The following RAB5IF variants were observed in gnomAD, a reference collection of about 807,000 sequenced individuals.
RAB5IF encodes the protein RAB5 interacting factor.
A neutral mutation model predicts 20.3 loss-of-function variants in RAB5IF; 15 were observed. That is an observed-to-expected ratio of 0.74 (90% CI 0.50 to 1.14). The LOEUF (loss-of-function observed/expected upper bound fraction) is 1.14. Ranked by LOEUF, RAB5IF falls within the 50% of genes most tolerant of loss-of-function variation. The pLI, the probability that RAB5IF is intolerant of heterozygous loss-of-function variation, is 0.00. For synonymous variants in RAB5IF, 67 were observed against 63.7 expected, an observed-to-expected ratio of 1.05 and a Z score of -0.25; for missense variants, 148 against 159.5, an observed-to-expected ratio of 0.93 and a Z score of 0.39.
At chr20:36,606,527 C>T (rs773169742) in intron 1 of RAB5IF, among the ~76,000 whole-genome samples, 9 of 152,324 alleles carry the variant, frequency 5.9e-5, no homozygotes, top group Admixed American at 3.3e-4. Context: ...CAGAATAACT[C>T]TGAAGTGGGG....
chr20:36,608,556 C>CTTTT (rs34058641), intron 2 of RAB5IF, among the ~76,000 whole-genome samples: 11 of 104,864 alleles, frequency 1.0e-4, no homozygotes, highest in South Asian at 3.3e-4. Flanking sequence ...CGGTCTCATT[C>CTTTT]TTTTTTTTTT....
In RAB5IF at chr20:36,612,122, C is replaced by T. The variant is rs190742083; in HGVS notation, c.*71C>T. On this transcript the variant is annotated 3_prime_UTR_variant, in exon 4 of 4. Coordinates refer to ENST00000344795, the MANE Select transcript of RAB5IF (RefSeq NM_018840.5). ...CTTGATTACAGCACAGGAACTTGAT[C>T]GTTGGGGAACCCCAGCCCCTTGGAA... 26 of 1,614,206 alleles carry T rather than the reference C, an allele frequency of 1.6e-5. No individual in the cohort carries two copies. In the Admixed American group the frequency reaches 3.5e-4, roughly 22 times the overall value.
intron 3 of RAB5IF, among the ~76,000 whole-genome samples, chr20:36,610,020 C>T (rs1326966931): frequency 6.6e-6 from 1 of 152,208 alleles, no homozygotes; most frequent in African/African-American, 2.4e-5. Context: ...TGGTGGCTCA[C>T]GCCTGTAATC....
intron 2 of RAB5IF, among the ~76,000 whole-genome samples, chr20:36,609,225 A>G (rs1392528069): frequency 1.1e-4 from 13 of 120,460 alleles, no homozygotes; most frequent in South Asian, 2.7e-4. Context: ...ACACGCACAC[A>G]CACACACACA....
chr20:36,609,206 C>T lies in RAB5IF; in HGVS notation c.219-395C>T, dbSNP rs1344213477. ...ACACACACACACACGCACACACGCACACACGCACACACGCACACACACACA... is the reference window on the plus strand; with the variant it reads ...ACACACACACACACGCACACACGCATACACGCACACACGCACACACACACA... On this transcript the variant is annotated intron_variant, in intron 2 of 3. Coordinates refer to ENST00000344795, the MANE Select transcript of RAB5IF (RefSeq NM_018840.5). 2.0e-4 allele frequency among the ~76,000 whole-genome samples: 13 copies of T among 64,980 alleles called. 2 individuals are homozygous for T. The Middle Eastern group carries it at 0.021, about 107-fold the overall frequency. 42.6% of individuals were successfully genotyped at this position (64,980 alleles called of 152,430 possible). A position where few individuals can be genotyped will look rare whatever the true frequency, so the allele number is the denominator to read the frequency against.
intron 2 of RAB5IF, among the ~76,000 whole-genome samples, chr20:36,608,623 G>A (rs1367245563): frequency 6.7e-6 from 1 of 149,372 alleles, no homozygotes; most frequent in African/African-American, 2.5e-5. Flanking sequence ...GCGTGTACTG[G>A]CGTGATCTCG....
In RAB5IF at chr20:36,605,779, G is replaced by A. The variant is rs952895124; in HGVS notation, c.-173G>A. On this transcript the variant is annotated 5_prime_UTR_variant, in exon 1 of 4. Transcript: ENST00000344795. Reference sequence around the variant, plus strand: ...CCCCTCCCTTCGCGGCGCCTGCTCTGTAGAGCCGGCGGAACCGGGTAGCTT... The same window carrying A: ...CCCCTCCCTTCGCGGCGCCTGCTCTATAGAGCCGGCGGAACCGGGTAGCTT... The A allele has an allele frequency of 2.5e-5, 10 of 393,824 alleles. No homozygotes were observed. The highest frequency in any genetic ancestry group is 3.6e-5 in the Non-Finnish European group (8 of 223,010). 24.4% of individuals were successfully genotyped at this position (393,824 alleles called of 1,614,324 possible). A position where few individuals can be genotyped will look rare whatever the true frequency, so the allele number is the denominator to read the frequency against.
intron 2 of RAB5IF, among the ~76,000 whole-genome samples, chr20:36,608,438 T>A (rs564842320): frequency 1.8e-4 from 27 of 151,868 alleles, no homozygotes; most frequent in Non-Finnish European, 3.7e-4. Flanking sequence ...AGAGACAAGG[T>A]TTCTCTACAT....
rs2039024600 is a variant in RAB5IF, at chr20:36,609,191, ACACGCACACACGCACACAC to A, written c.219-409_219-391del. 1.9e-4 allele frequency among the ~76,000 whole-genome samples: 10 copies of A among 52,688 alleles called. 1 individual carries two copies. The highest frequency in any genetic ancestry group is 2.9e-4 in the Non-Finnish European group (8 of 27,708). The allele number at this position is 52,688 out of a possible 152,430, so 34.6% of individuals were successfully genotyped here. A position where few individuals can be genotyped will look rare whatever the true frequency, so the allele number is the denominator to read the frequency against. On this transcript the variant is annotated intron_variant, in intron 2 of 3. Transcript: ENST00000344795. ...CACACACACACACACACACACACAC[ACACGCACACACGCACACAC>A]GCACACACGCACACACACACACACA... is the stretch of plus-strand genomic sequence containing the variant.
intron 3 of RAB5IF, 23 bp downstream of exon 3, chr20:36,609,753 C>T: frequency 2.5e-6 from 4 of 1,614,148 alleles, no homozygotes; most frequent in Non-Finnish European, 3.4e-6. Context: ...GATAGTTTTA[C>T]AACAGGTACT....
intron 3 of RAB5IF, among the ~76,000 whole-genome samples, chr20:36,611,493 CAAAAAAA>C (rs60975859): frequency 4.3e-5 from 2 of 46,522 alleles, no homozygotes; most frequent in African/African-American, 1.4e-4. Context: ...CAGCAGGACT[CAAAAAAA>C]AAAAAAAAAA....
intron 2 of RAB5IF, among the ~76,000 whole-genome samples, chr20:36,609,158 C>CATACATACATATACATAT (rs1278640879): frequency 1.0e-4 from 1 of 9,630 alleles, no homozygotes; most frequent in Non-Finnish European, 1.9e-4. Flanking sequence ...AACTATATTA[C>CATACATACATATACATAT]ACACACACAC....
rs1443783879 is a variant in RAB5IF, at chr20:36,606,002, C to T, written c.51C>T (p.Asn17=). 1 of 1,528,512 alleles carries T rather than the reference C, an allele frequency of 6.5e-7. No homozygotes were observed. Among genetic ancestry groups the T allele is most frequent in the Non-Finnish European group, 8.8e-7 (1 of 1,135,266 alleles). The allele number at this position is 1,528,512 out of a possible 1,614,324, so 94.7% of individuals were successfully genotyped here. The change falls in exon 1 of 4, where the codon AAC becomes AAT. Residue 17 remains asparagine (N), a synonymous_variant. Transcript: ENST00000344795. ...AGCCGCCTCAGCCGCAGCTGGCCAA[C>T]GGGGCCCTCAAAGTCTCCGTCTGGA... The part of the protein sequence containing the change: ...KEEPPQPQLA[N]GALKVSVWSK...
intron 2 of RAB5IF, among the ~76,000 whole-genome samples, chr20:36,609,178 C>CAGAACTATATTACAT (rs1568595353): frequency 6.6e-4 from 21 of 31,944 alleles, no homozygotes; most frequent in Non-Finnish European, 1.1e-3. Flanking sequence ...CACACACACA[C>CAGAACTATATTACAT]ACACACACAC....
Position 36,609,242 on chromosome 20 carries a change from CACACACACACACACTA to C in RAB5IF, c.219-358_219-343del, listed in dbSNP as rs1568595727. On this transcript the variant is annotated intron_variant, in intron 2 of 3. Coordinates refer to ENST00000344795, the MANE Select transcript of RAB5IF (RefSeq NM_018840.5). ...ACGCACACACACACACACACACACA[CACACACACACACACTA>C]TATATAGAGTTTCGCTGTTGCCCAG... 8.2e-5 allele frequency among the ~76,000 whole-genome samples: 11 copies of C among 133,446 alleles called. 1 individual carries two copies. Among genetic ancestry groups the C allele is most frequent in the African/African-American group, 3.2e-4 (10 of 31,010 alleles). 87.5% of individuals were successfully genotyped at this position (133,446 alleles called of 152,430 possible). A position where few individuals can be genotyped will look rare whatever the true frequency, so the allele number is the denominator to read the frequency against.
At chr20:36,611,501 A>T (rs1203734685) in intron 3 of RAB5IF, among the ~76,000 whole-genome samples, 6 of 151,572 alleles carry the variant, frequency 4.0e-5, no homozygotes, top group African/African-American at 1.5e-4. Context: ...CTCAAAAAAA[A>T]AAAAAAAAAA....
chr20:36,609,590 T>C lies in RAB5IF; in HGVS notation c.219-11T>C. Reference sequence around the variant, plus strand: ...CAATTTATGTTTGGTACTTGTTCTCTGTTGCTCCAGATTCTGCCTGATCAA... The same window carrying C: ...CAATTTATGTTTGGTACTTGTTCTCCGTTGCTCCAGATTCTGCCTGATCAA... On this transcript the variant is annotated splice_polypyrimidine_tract_variant and intron_variant, in intron 2 of 3. Transcript: ENST00000344795. 1 of 1,573,966 alleles carries C rather than the reference T, an allele frequency of 6.4e-7. No individual in the cohort carries two copies. The highest frequency in any genetic ancestry group is 1.2e-5 in the South Asian group (1 of 84,444).
At chr20:36,607,863 A>T in intron 2 of RAB5IF, 45 bp downstream of exon 2, 1 of 1,609,500 alleles carries the variant, frequency 6.2e-7, no homozygotes, top group Non-Finnish European at 8.5e-7. Flanking sequence ...ATTTCTTTTT[A>T]AATAGAGGCT....
rs760445435 is a variant in RAB5IF, at chr20:36,609,645, A to G, written c.263A>G (p.Asn88Ser). Residue 88 changes from asparagine (N) to serine (S), a missense_variant, in exon 3 of 4, where the codon AAT becomes AGT. Physicochemically the swap from Asn to Ser is conservative, Grantham distance 46. Transcript: ENST00000344795. ...GGAGTCCTGTACCTCTACTTCAGCA[A>G]TTACCTACAGATTGATGAGGAAGAA... ...NAGVLYLYFS[N>S]YLQIDEEEYG... is the part of the protein sequence containing the mutation. The G allele has an allele frequency of 1.2e-6, 2 of 1,613,342 alleles. No homozygotes were observed. The highest frequency in any genetic ancestry group is 1.7e-4 in the Middle Eastern group (1 of 6,058).
Sources: gnomAD v4.1 joint callset for allele counts (sites outside exome capture counted in the v4.1 genomes callset) on GRCh38, gnomAD v4.1.1 for gene constraint, MANE v1.5 for transcripts, NCBI Gene and HGNC (gene_info 2026-07-23, HGNC 2026-07-21) for gene names.